PPM1F: variants seen among roughly 807,000 people sequenced by gnomAD.
The protein encoded by PPM1F is protein phosphatase, Mg2+/Mn2+ dependent 1F.
A neutral mutation model predicts 35.5 loss-of-function variants in PPM1F; 17 were observed. The observed-to-expected ratio is 0.48, with a 90% confidence interval of 0.33 to 0.72. The LOEUF (loss-of-function observed/expected upper bound fraction) is 0.72. Among genes scored for constraint, PPM1F ranks in the 30% least tolerant of loss-of-function variants. The probability of loss-of-function intolerance (pLI) is 0.02; values close to 1 mark genes in which losing one functional copy is unlikely to be tolerated. For missense variants in PPM1F, 521 were observed against 613.0 expected (o/e 0.85, Z 1.59); for synonymous variants, 241 against 255.5 (o/e 0.94, Z 0.54).
intron 6 of PPM1F, 61 bp from the exon 7 acceptor site, chr22:21,925,723 C>T: frequency 1.5e-6 from 2 of 1,378,518 alleles, no homozygotes; most frequent in Non-Finnish European, 2.0e-6. Context: ...AAGCCCCCTG[C>T]TGCTACCTGA....
chr22:21,951,706 A>G (rs1267505397), intron 1 of PPM1F: 2 of 152,206 alleles, frequency 1.3e-5, no homozygotes, highest in East Asian at 1.9e-4. Context: ...CATGGCTTTC[A>G]GAAATGCATT....
rs1344763089 is a variant in PPM1F, at chr22:21,939,462, C to T, written c.355+70G>A. ...CTTAGGGACCCCAATCAATGGGCTT[C>T]CCACAATGTCGTCACCCTTTGTTGC... On this transcript the variant is annotated intron_variant, in intron 3 of 7. Coordinates refer to ENST00000263212, the MANE Select transcript of PPM1F (RefSeq NM_014634.4). This position sits in a 1 kb window ranked among gnomAD's most constrained non-coding sequence, Gnocchi z 5.1. 14 of 1,583,564 alleles carry T rather than the reference C, an allele frequency of 8.8e-6. No homozygotes were observed. In the East Asian group the frequency reaches 2.9e-4, roughly 33 times the overall value.
chr22:21,948,312 A>ACC (rs1379250061), intron 1 of PPM1F: 29 of 32,472 alleles, frequency 8.9e-4, no homozygotes, highest in African/African-American at 3.4e-3. Context: ...CCCCCCCCCC[A>ACC]CCCCCCATCT....
rs757499345 is a variant in PPM1F at position 21,923,162 on chromosome 22, G to GCCTGGGGGTCCCCTTCTC, written c.1277_1294dup (p.Gly426_Gln431dup). On this transcript the variant is annotated inframe_insertion, in exon 8 of 8. Coordinates refer to ENST00000263212, the MANE Select transcript of PPM1F (RefSeq NM_014634.4). ...GGGCAAGTCCTGCCTCCTCCCTTCT[G>GCCTGGGGGTCCCCTTCTC]CCTGGGGGTCCCCTTCTCCCTGGTT... 10 of 1,613,726 alleles carry GCCTGGGGGTCCCCTTCTC rather than the reference G, an allele frequency of 6.2e-6. No homozygotes were observed. The highest frequency in any genetic ancestry group is 8.5e-6 in the Non-Finnish European group (10 of 1,179,984).
intron 7 of PPM1F, chr22:21,925,179 G>A (rs9610627): frequency 0.053 from 17,396 of 326,476 alleles, 1,069 homozygotes; most frequent in East Asian, 0.26. Context: ...ACAGGCGTGA[G>A]CCACCGCGCC....
chr22:21,943,823 A>AC (rs2070750664), intron 2 of PPM1F: 2 of 152,232 alleles, frequency 1.3e-5, no homozygotes, highest in South Asian at 4.2e-4. Flanking sequence ...GGCCCAGCAA[A>AC]CCCCTGGGCT....
chr22:21,938,499 A>G (rs894791216), intron 3 of PPM1F: 1 of 1,098,088 alleles, frequency 9.1e-7, no homozygotes, highest in Non-Finnish European at 1.1e-6. Flanking sequence ...GGCCTCGGGT[A>G]TTCGCTTTCT....
chr22:21,925,695 C>G, intron 6 of PPM1F, 33 bp from the exon 7 acceptor site: 1 of 1,531,010 alleles, frequency 6.5e-7, no homozygotes, highest in Non-Finnish European at 8.9e-7. Context: ...GGGGGCAGGG[C>G]CGGGGGGATG....
chr22:21,930,255 A>C (rs1044936294), intron 6 of PPM1F, among the ~76,000 whole-genome samples: 4 of 152,218 alleles, frequency 2.6e-5, no homozygotes, highest in Non-Finnish European at 5.9e-5. Context: ...ATGTAGTGCC[A>C]GCCCAGGCTG....
chr22:21,938,576 C>A, intron 3 of PPM1F: 1 of 1,023,814 alleles, frequency 9.8e-7, no homozygotes, highest in South Asian at 3.1e-5. Flanking sequence ...GAATTTAGAA[C>A]AACAGGGAAA....
At chr22:21,938,547 C>T (rs955253655) in intron 3 of PPM1F, 3 of 1,065,290 alleles carry the variant, frequency 2.8e-6, no homozygotes, top group Non-Finnish European at 2.3e-6. Flanking sequence ...CCCGGATGCA[C>T]GCATGCACTA....
chr22:21,939,756 G>C lies in PPM1F; in HGVS notation c.207-76C>G. The stretch of plus-strand genomic sequence containing the variant: ...CCTAGCCCCCCTTCCCCAACTGTCA[G>C]CCCACATGCTGAGGGGTCACGGCCA... On this transcript the variant is annotated intron_variant, in intron 2 of 7. Coordinates refer to ENST00000263212, the MANE Select transcript of PPM1F (RefSeq NM_014634.4). The surrounding 1 kb of genome is among the most constrained non-coding windows in gnomAD (Gnocchi z 5.1). The C allele has an allele frequency of 6.6e-7, 1 of 1,518,002 alleles. No homozygotes were observed. Among genetic ancestry groups the C allele is most frequent in the Non-Finnish European group, 8.9e-7 (1 of 1,123,676 alleles). 94.0% of individuals were successfully genotyped at this position (1,518,002 alleles called of 1,614,324 possible).
chr22:21,931,003 A>T, intron 6 of PPM1F, 145 bp downstream of exon 6: 1 of 1,354,088 alleles, frequency 7.4e-7, no homozygotes, highest in Admixed American at 2.6e-5. Context: ...ACCCCCGGCC[A>T]CTCAAATCAG....
At position 21,934,137 on chromosome 22, in the gene PPM1F, G is replaced by A. The variant is rs765713884; in HGVS notation, c.445C>T (p.Arg149Trp). 6.4e-6 allele frequency: 10 copies of A among 1,573,898 alleles called. No homozygotes were observed. The highest frequency in any genetic ancestry group is 3.5e-5 in the South Asian group (3 of 86,028). ...QWQKQVPLAA[R>W]ASQRQWLVSI... is the part of the protein sequence containing the mutation. ...ACCAGCCACTGCCGCTGTGAGGCCC[G>A]GGCAGCCAATGGCACCTGCTTCTGC... Residue 149 changes from arginine (R) to tryptophan (W), a missense_variant, in exon 4 of 8, where the codon CGG (arginine) becomes TGG (tryptophan). Physicochemically the swap from Arg to Trp is moderately radical, Grantham distance 101 (BLOSUM62 -3). Around this residue, in one of 3 missense-constraint regions of PPM1F, gnomAD observed 311 missense variants for 351.5 expected, o/e 0.88. Transcript: ENST00000263212.
chr22:21,927,937 G>GTTTTTTTTTTTTTTTTTTTTTTTT (rs1392008034), intron 6 of PPM1F, among the ~76,000 whole-genome samples: 1 of 68,106 alleles, frequency 1.5e-5, no homozygotes, highest in East Asian at 6.1e-4. Flanking sequence ...TCTGTTTTTT[G>GTTTTTTTTTTTTTTTTTTTTTTTT]TTTTGTTTTT....
rs778576584 is a variant in PPM1F, at chr22:21,945,918, G to C, written c.131C>G (p.Ala44Gly). The C allele has an allele frequency of 4.3e-6, 7 of 1,612,922 alleles. No individual in the cohort carries two copies. The highest frequency in any genetic ancestry group is 5.9e-6 in the Non-Finnish European group (7 of 1,179,628). Reference sequence around the variant, plus strand: ...CTCCTGGCTGAGCACCGTCCCTGGGGCCTTCCATGGCAGAGGGTCCTCTGG... The same window carrying C: ...CTCCTGGCTGAGCACCGTCCCTGGGCCCTTCCATGGCAGAGGGTCCTCTGG... ...LNPEDPLPWK[A>G]PGTVLSQEEV... is the part of the protein sequence containing the mutation. Residue 44 changes from alanine to glycine, a missense_variant, in exon 2 of 8, where the codon GCC becomes GGC. By Grantham distance (60) the Ala-to-Gly change is moderately conservative (BLOSUM62 0). Around this residue, in one of 3 missense-constraint regions of PPM1F, gnomAD observed 311 missense variants for 351.5 expected, o/e 0.88. Transcript: ENST00000263212.
chr22:21,939,186 A>T lies in PPM1F; in HGVS notation c.355+346T>A. 1 of 223,534 alleles carries T rather than the reference A, an allele frequency of 4.5e-6. No individual in the cohort carries two copies. Among genetic ancestry groups the T allele is most frequent in the Non-Finnish European group, 9.0e-6 (1 of 111,678 alleles). The allele number at this position is 223,534 out of a possible 1,614,324, so 13.8% of individuals were successfully genotyped here. ...ACTGAGGGCACTTGAACCTGGCTGC[A>T]TGACCAGAGATCGATCACCTGTGAG... On this transcript the variant is annotated intron_variant, in intron 3 of 7. Coordinates refer to ENST00000263212, the MANE Select transcript of PPM1F (RefSeq NM_014634.4). This position sits in a 1 kb window ranked among gnomAD's most constrained non-coding sequence, Gnocchi z 5.1.
rs573414505 is a variant in PPM1F at position 21,933,587 on chromosome 22, G to A, written c.559-8C>T. On this transcript the variant is annotated splice_region_variant and splice_polypyrimidine_tract_variant and intron_variant, in intron 4 of 7. Coordinates refer to ENST00000263212, the MANE Select transcript of PPM1F (RefSeq NM_014634.4). ...GGCGCGGTTCACAGGGTCCTGGTGG[G>A]GATGTGGTGGGAGTCACAGACCCGC... 4.8e-5 allele frequency: 77 copies of A among 1,603,004 alleles called. No individual in the cohort carries two copies. The South Asian group carries it at 8.2e-4, about 17-fold the overall frequency.
chr22:21,945,760 G>A, intron 2 of PPM1F, 83 bp downstream of exon 2: 1 of 1,410,618 alleles, frequency 7.1e-7, no homozygotes, highest in South Asian at 1.3e-5. Flanking sequence ...GGCTGGACGT[G>A]TAGGGGAGCA....
Sources: gnomAD v4.1 joint callset for allele counts (sites outside exome capture counted in the v4.1 genomes callset) on GRCh38, gnomAD v4.1.1 for gene constraint, gnomAD v4.1.1 regional missense constraint, Gnocchi (gnomAD v3.1) non-coding constraint, MANE v1.5 for transcripts, NCBI Gene and HGNC (gene_info 2026-07-23, HGNC 2026-07-21) for gene names.